NCAPG: variants seen among roughly 807,000 people sequenced by gnomAD.
NCAPG encodes the protein non-SMC condensin I complex subunit G, also known as condensin complex subunit 3.
NCAPG carries 69 observed loss-of-function variants against 113.1 expected under a neutral mutation model. The observed-to-expected ratio is 0.61, with a 90% confidence interval of 0.50 to 0.75. The LOEUF is 0.75. Ranked by LOEUF, NCAPG falls within the 30% of genes least tolerant of loss-of-function variation. The pLI, the probability that NCAPG is intolerant of heterozygous loss-of-function variation, is 0.00. For synonymous variants in NCAPG, 370 were observed against 415.8 expected, an observed-to-expected ratio of 0.89 and a Z score of 1.34; for missense variants, 1,058 against 1,177.0, an observed-to-expected ratio of 0.90 and a Z score of 1.48.
chr4:17,829,120 A>C (rs1230093881), intron 12 of NCAPG, among the ~76,000 whole-genome samples: 1 of 152,132 alleles, frequency 6.6e-6, no homozygotes, highest in Non-Finnish European at 1.5e-5. Context: ...CTTAAACTGG[A>C]CTAGTCACAT....
At position 17,844,520 on chromosome 4, in the gene NCAPG, C is replaced by CAA. The variant is rs1722735702; in HGVS notation, c.*1097_*1098dup. 6.6e-6 allele frequency: 1 copy of CAA among 152,260 alleles called. No individual in the cohort carries two copies. Among genetic ancestry groups the CAA allele is most frequent in the South Asian group, 2.1e-4 (1 of 4,828 alleles). 9.4% of individuals were successfully genotyped at this position (152,260 alleles called of 1,614,324 possible). Reference sequence around the variant, plus strand: ...GCCTCATAGAACTTATAAAAGGAGTCAAAGTTTCAAAGCAAGATAGTTATT... The same window carrying CAA: ...GCCTCATAGAACTTATAAAAGGAGTCAAAAAGTTTCAAAGCAAGATAGTTATT... On this transcript the variant is annotated 3_prime_UTR_variant, in exon 21 of 21. Transcript: ENST00000251496.
intron 14 of NCAPG, among the ~76,000 whole-genome samples, chr4:17,836,607 G>A (rs1413988115): frequency 6.6e-6 from 1 of 152,114 alleles, no homozygotes; most frequent in Admixed American, 6.6e-5. Flanking sequence ...GTTAATATTT[G>A]TATATGGTCT....
chr4:17,828,758 A>G (rs1481700016), intron 12 of NCAPG, among the ~76,000 whole-genome samples: 1 of 152,108 alleles, frequency 6.6e-6, no homozygotes, highest in Non-Finnish European at 1.5e-5. Context: ...TGCCCTGGGA[A>G]AGGAATTTAT....
intron 14 of NCAPG, among the ~76,000 whole-genome samples, chr4:17,836,452 A>G (rs954293140): frequency 6.6e-6 from 1 of 152,046 alleles, no homozygotes; most frequent in Non-Finnish European, 1.5e-5. Context: ...TTGGAGATAC[A>G]CTCATTTTTT....
intron 13 of NCAPG, 113 bp downstream of exon 13, chr4:17,831,229 G>GA: frequency 8.6e-7 from 1 of 1,167,122 alleles, no homozygotes; most frequent in Non-Finnish European, 1.2e-6. Context: ...GATTATTATG[G>GA]ATAATCTTTG....
At chr4:17,835,791 G>A (rs1258029658) in intron 14 of NCAPG, among the ~76,000 whole-genome samples, 1 of 152,090 alleles carries the variant, frequency 6.6e-6, no homozygotes, top group Non-Finnish European at 1.5e-5. Context: ...ATGGTATCTT[G>A]TATCAGTACT....
At chr4:17,842,077 A>T (rs770244468) in intron 19 of NCAPG, 7 of 405,960 alleles carry the variant, frequency 1.7e-5, no homozygotes, top group Non-Finnish European at 3.2e-5. Context: ...AAATTTCCTT[A>T]TTTTCCCTTA....
At chr4:17,831,180 A>C in intron 13 of NCAPG, 64 bp downstream of exon 13, 1 of 1,506,618 alleles carries the variant, frequency 6.6e-7, no homozygotes, top group Non-Finnish European at 9.0e-7. Context: ...CGATAATGCT[A>C]ATACTCTGAA....
In NCAPG at chr4:17,811,244, C is replaced by T. The variant is rs1472411339; in HGVS notation, c.111+56C>T. ...TCGCCCGCCCCGGCCCACCCTCCCT[C>T]AGGGGCCCTCCGTGGCCCTCGGGCT... On this transcript the variant is annotated intron_variant, in intron 1 of 20. Coordinates refer to ENST00000251496, the MANE Select transcript of NCAPG (RefSeq NM_022346.5). The surrounding 1 kb of genome is among the most constrained non-coding windows in gnomAD (Gnocchi z 5.3). 8.6e-7 allele frequency: 1 copy of T among 1,157,116 alleles called. No homozygotes were observed. The highest frequency in any genetic ancestry group is 3.1e-5 in the East Asian group (1 of 32,254). The allele number at this position is 1,157,116 out of a possible 1,614,324, so 71.7% of individuals were successfully genotyped here.
intron 9 of NCAPG, 45 bp downstream of exon 9, chr4:17,823,815 A>G (rs1326993807): frequency 1.4e-6 from 2 of 1,474,764 alleles, no homozygotes; most frequent in Non-Finnish European, 1.9e-6. Context: ...TTGGTCAATG[A>G]CATTGAATAC....
intron 7 of NCAPG, among the ~76,000 whole-genome samples, chr4:17,819,889 G>A (rs1721380489): frequency 6.6e-6 from 1 of 152,126 alleles, no homozygotes; most frequent in Admixed American, 6.5e-5. Context: ...TGAGCCAGTA[G>A]GGAAACTATA....
Position 17,811,257 on chromosome 4 carries a change from T to A in NCAPG, c.111+69T>A. 1 of 961,112 alleles carries A rather than the reference T, an allele frequency of 1.0e-6. No individual in the cohort carries two copies. The highest frequency in any genetic ancestry group is 1.5e-6 in the Non-Finnish European group (1 of 681,526). The allele number at this position is 961,112 out of a possible 1,614,324, so 59.5% of individuals were successfully genotyped here. On this transcript the variant is annotated intron_variant, in intron 1 of 20. Coordinates refer to ENST00000251496, the MANE Select transcript of NCAPG (RefSeq NM_022346.5). This position sits in a 1 kb window ranked among gnomAD's most constrained non-coding sequence, Gnocchi z 5.3. ...CCCACCCTCCCTCAGGGGCCCTCCGTGGCCCTCGGGCTCGGCGCACCGTGA... is the reference window on the plus strand; with the variant it reads ...CCCACCCTCCCTCAGGGGCCCTCCGAGGCCCTCGGGCTCGGCGCACCGTGA...
rs569951009 is a variant in NCAPG at position 17,831,102 on chromosome 4, G to A, written c.1870G>A (p.Val624Ile). 24 of 1,612,720 alleles carry A rather than the reference G, an allele frequency of 1.5e-5. No individual in the cohort carries two copies. Among genetic ancestry groups the A allele is most frequent in the South Asian group, 7.7e-5 (7 of 90,790 alleles). ...TCAGGATTTTGCAAGGAAACACTTC[G>A]TATTACTATTGCAGGTAGGATTTAT... is the stretch of plus-strand genomic sequence containing the variant. ...QNQDFARKHFVLLLQVLQIDD... is the reference protein window; with the variant it reads ...QNQDFARKHFILLLQVLQIDD... Residue 624 changes from valine to isoleucine, a missense_variant, in exon 13 of 21, where the codon GTA becomes ATA. Coordinates refer to ENST00000251496, the MANE Select transcript of NCAPG (RefSeq NM_022346.5).
rs1364318848 is a variant in NCAPG at position 17,811,030 on chromosome 4, G to C, written c.-48G>C. 1 of 1,255,946 alleles carries C rather than the reference G, an allele frequency of 8.0e-7. No homozygotes were observed. The highest frequency in any genetic ancestry group is 1.5e-5 in the South Asian group (1 of 66,152). 77.8% of individuals were successfully genotyped at this position (1,255,946 alleles called of 1,614,324 possible). A position where few individuals can be genotyped will look rare whatever the true frequency, so the allele number is the denominator to read the frequency against. ...TGCCTCTGGGTTGGCGGGCTGGCAG[G>C]CTGTAGCCGAGCGCGGGCAGGACTC... On this transcript the variant is annotated 5_prime_UTR_variant, in exon 1 of 21. Coordinates refer to ENST00000251496, the MANE Select transcript of NCAPG (RefSeq NM_022346.5). The surrounding 1 kb of genome is among the most constrained non-coding windows in gnomAD (Gnocchi z 5.3).
chr4:17,837,450 T>A, intron 15 of NCAPG, 110 bp downstream of exon 15: 1 of 1,250,264 alleles, frequency 8.0e-7, no homozygotes, highest in East Asian at 2.4e-5. Context: ...CTGTCTTTAG[T>A]AGATAAATGA....
Position 17,843,144 on chromosome 4 carries a change from T to A in NCAPG, c.2925-158T>A, listed in dbSNP as rs149295812. ...TTTGCTAGATAGCCAAGTCAGTGTT[T>A]TTTTGACATTGAGATTTTAGTTTTA... On this transcript the variant is annotated intron_variant, in intron 20 of 20. Transcript: ENST00000251496. 1,401 of 715,762 alleles carry A rather than the reference T, an allele frequency of 2.0e-3. 23 individuals carry two copies. In the African/African-American group the frequency reaches 0.023, roughly 12 times the overall value. 44.3% of individuals were successfully genotyped at this position (715,762 alleles called of 1,614,324 possible). A position where few individuals can be genotyped will look rare whatever the true frequency, so the allele number is the denominator to read the frequency against.
intron 13 of NCAPG, among the ~76,000 whole-genome samples, chr4:17,833,469 A>ATAT (rs1376571489): frequency 1.2e-4 from 18 of 148,912 alleles, no homozygotes; most frequent in African/African-American, 4.5e-4. Flanking sequence ...AAAAAAAAAA[A>ATAT]ATATATATAT....
chr4:17,817,832 T>C (rs1721276846), intron 6 of NCAPG, 107 bp from the exon 7 acceptor site: 3 of 1,085,926 alleles, frequency 2.8e-6, no homozygotes, highest in East Asian at 5.4e-5. Flanking sequence ...ATTAAAAGGA[T>C]AGTGTAGTGG....
chr4:17,840,296 G>A (rs1722301818), intron 18 of NCAPG, 87 bp downstream of exon 18: 7 of 1,345,890 alleles, frequency 5.2e-6, no homozygotes, highest in Non-Finnish European at 6.9e-6. Flanking sequence ...ACTCTAACAT[G>A]TTTGGTTGGA....
Sources: allele counts gnomAD v4.1 joint callset (sites outside exome capture counted in the v4.1 genomes callset), GRCh38; gene constraint gnomAD v4.1.1; non-coding constraint Gnocchi (gnomAD v3.1); transcripts MANE v1.5; gene names NCBI Gene and HGNC (gene_info 2026-07-23, HGNC 2026-07-21).